The following ZSWIM5 variants were observed in gnomAD, a reference collection of about 807,000 sequenced individuals.
ZSWIM5 encodes the protein zinc finger SWIM domain-containing protein 5.
Under a neutral mutation model 119.6 loss-of-function variants are expected in ZSWIM5, and 55 were observed. The ratio of observed to expected loss-of-function variants is 0.46; its 90% CI spans 0.37 to 0.58. The LOEUF (loss-of-function observed/expected upper bound fraction) is 0.58. Among genes scored for constraint, ZSWIM5 ranks in the 20% least tolerant of loss-of-function variants. The probability of loss-of-function intolerance (pLI) is 0.00; values close to 1 mark genes in which losing one functional copy is unlikely to be tolerated. For synonymous variants in ZSWIM5, 537 were observed against 606.9 expected, an observed-to-expected ratio of 0.88 and a Z score of 1.69; for missense variants, 1,193 against 1,512.8, an observed-to-expected ratio of 0.79 and a Z score of 3.51.
At position 45,035,755 on chromosome 1, in the gene ZSWIM5, A is replaced by G. The variant is rs1388809210; in HGVS notation, c.2224T>C (p.Tyr742His). The change falls in exon 10 of 14, where the codon TAT (tyrosine) becomes CAT (histidine). Residue 742 changes from tyrosine (Y) to histidine (H), a missense_variant. Physicochemically the swap from Tyr to His is moderately conservative, Grantham distance 83. Transcript: ENST00000359600. ...ESVPMHTFAK[Y>H]LFSALLPHDP... Reference sequence around the variant, plus strand: ...TGAGGCAGCAGAGCTGAGAACAAATACTTGGCAAAGGTATGCATGGGAACA... The same window carrying G: ...TGAGGCAGCAGAGCTGAGAACAAATGCTTGGCAAAGGTATGCATGGGAACA... 7 of 1,613,784 alleles carry G rather than the reference A, an allele frequency of 4.3e-6. No individual in the cohort carries two copies. The highest frequency in any genetic ancestry group is 4.2e-6 in the Non-Finnish European group (5 of 1,179,990).
At chr1:45,022,191 C>T (rs548328404) in intron 11 of ZSWIM5, among the ~76,000 whole-genome samples, 426 of 149,676 alleles carry the variant, frequency 2.8e-3, no homozygotes, top group African/African-American at 9.5e-3. Context: ...AGTGCAGTGG[C>T]GCGATCTTGG....
chr1:45,040,084 T>G (rs1301722029), intron 7 of ZSWIM5, among the ~76,000 whole-genome samples: 1 of 152,178 alleles, frequency 6.6e-6, no homozygotes, highest in Non-Finnish European at 1.5e-5. Flanking sequence ...GCAATCCTCC[T>G]ACCTGGGCCT....
intron 11 of ZSWIM5, among the ~76,000 whole-genome samples, chr1:45,033,141 C>T (rs59432881): frequency 0.059 from 8,987 of 152,086 alleles, 306 homozygotes; most frequent in East Asian, 0.12. Context: ...TTGTTTTTTG[C>T]CAATAAGATC....
chr1:45,203,132 G>A (rs181367177), intron 1 of ZSWIM5, among the ~76,000 whole-genome samples: 2 of 152,092 alleles, frequency 1.3e-5, no homozygotes, highest in African/African-American at 4.8e-5. Context: ...TACTTCTGAT[G>A]CAGTACTTAC....
At chr1:45,041,185 T>C (rs1645016089) in intron 6 of ZSWIM5, among the ~76,000 whole-genome samples, 1 of 152,216 alleles carries the variant, frequency 6.6e-6, no homozygotes, top group Admixed American at 6.5e-5. Flanking sequence ...ATTCAATATA[T>C]TAATAGCATC....
intron 5 of ZSWIM5, among the ~76,000 whole-genome samples, chr1:45,044,857 C>T (rs1199755456): frequency 4.6e-5 from 4 of 87,104 alleles, no homozygotes; most frequent in Admixed American, 1.5e-4. Flanking sequence ...ATAGATTAGC[C>T]GGGCATGGTG....
At chr1:45,183,852 C>G (rs913877212) in intron 1 of ZSWIM5, among the ~76,000 whole-genome samples, 2 of 152,194 alleles carry the variant, frequency 1.3e-5, no homozygotes, top group Non-Finnish European at 2.9e-5. Flanking sequence ...CCTTCTGAAA[C>G]TATTCCAATC....
intron 2 of ZSWIM5, among the ~76,000 whole-genome samples, chr1:45,068,384 G>A (rs1331314522): frequency 6.6e-6 from 1 of 151,860 alleles, no homozygotes; most frequent in Non-Finnish European, 1.5e-5. Context: ...GGGATTACAG[G>A]TGTGAGCCAC....
chr1:45,056,758 C>T (rs1040537109), intron 4 of ZSWIM5, among the ~76,000 whole-genome samples: 1 of 152,258 alleles, frequency 6.6e-6, no homozygotes, highest in South Asian at 2.1e-4. Flanking sequence ...AGAGCAAACA[C>T]GTAAGGGTTG....
At position 45,087,164 on chromosome 1, in the gene ZSWIM5, G is replaced by A. The variant is rs375042505; in HGVS notation, c.952+717C>T. 1.0e-3 allele frequency among the ~76,000 whole-genome samples: 159 copies of A among 152,230 alleles called. 3 individuals are homozygous for A. The highest frequency in any genetic ancestry group is 6.8e-3 in the Middle Eastern group (2 of 294). On this transcript the variant is annotated intron_variant, in intron 2 of 13. Coordinates refer to ENST00000359600, the MANE Select transcript of ZSWIM5 (RefSeq NM_020883.2). Reference sequence around the variant, plus strand: ...CTCCCAAAGTGCTGGGATCACAGGCGTGAGCCACTGTGCCTGGCCCCTTCT... The same window carrying A: ...CTCCCAAAGTGCTGGGATCACAGGCATGAGCCACTGTGCCTGGCCCCTTCT...
chr1:45,127,789 A>C (rs190591978), intron 1 of ZSWIM5, among the ~76,000 whole-genome samples: 11 of 152,310 alleles, frequency 7.2e-5, no homozygotes, highest in Admixed American at 3.9e-4. Context: ...ACATGACATA[A>C]GATGAACATA....
At chr1:45,063,311 T>C (rs1446302281) in intron 2 of ZSWIM5, among the ~76,000 whole-genome samples, 10 of 152,218 alleles carry the variant, frequency 6.6e-5, no homozygotes, top group Non-Finnish European at 1.3e-4. Flanking sequence ...TATTCTCCTT[T>C]GGGTATATGC....
Position 45,152,329 on chromosome 1 carries a change from G to A in ZSWIM5, c.595+53427C>T, listed in dbSNP as rs201758667. On this transcript the variant is annotated intron_variant, in intron 1 of 13. Coordinates refer to ENST00000359600, the MANE Select transcript of ZSWIM5 (RefSeq NM_020883.2). ...AAGTGCAATAATCCTGGCAAGAGAC[G>A]ATGGTAGTTTGGCCAAGGTGGTGGT... 2.6e-5 allele frequency among the ~76,000 whole-genome samples: 4 copies of A among 152,332 alleles called. No homozygotes were observed. In the East Asian group the frequency reaches 7.7e-4, roughly 29 times the overall value.
chr1:45,088,477 T>C lies in ZSWIM5; in HGVS notation c.596-240A>G, dbSNP rs762058525. 1.1e-4 allele frequency among the ~76,000 whole-genome samples: 17 copies of C among 152,204 alleles called. No individual in the cohort carries two copies. The highest frequency in any genetic ancestry group is 2.2e-4 in the Non-Finnish European group (15 of 68,028). On this transcript the variant is annotated intron_variant, in intron 1 of 13. Coordinates refer to ENST00000359600, the MANE Select transcript of ZSWIM5 (RefSeq NM_020883.2). The surrounding 1 kb of genome is among the most constrained non-coding windows in gnomAD (Gnocchi z 4.2). Reference sequence around the variant, plus strand: ...TGAACCTCCTGAACTCACACTGATATGAAAACTTTAGTTTGTACGTGTATA... The same window carrying C: ...TGAACCTCCTGAACTCACACTGATACGAAAACTTTAGTTTGTACGTGTATA...
chr1:45,163,732 A>T (rs757856405), intron 1 of ZSWIM5, among the ~76,000 whole-genome samples: 1 of 152,184 alleles, frequency 6.6e-6, no homozygotes, highest in Non-Finnish European at 1.5e-5. Context: ...TCAGTGATGG[A>T]AGATCAAATG....
Position 45,018,532 on chromosome 1 carries a change from G to A in ZSWIM5, c.3480C>T (p.Ala1160=). The A allele has an allele frequency of 6.2e-7, 1 of 1,613,932 alleles. No individual in the cohort carries two copies. The highest frequency in any genetic ancestry group is 8.5e-7 in the Non-Finnish European group (1 of 1,179,954). The change falls in exon 14 of 14, where the codon GCC becomes GCT. Residue 1160 remains alanine, a synonymous_variant. Coordinates refer to ENST00000359600, the MANE Select transcript of ZSWIM5 (RefSeq NM_020883.2). The surrounding 1 kb of genome is among the most constrained non-coding windows in gnomAD (Gnocchi z 6.7). ...LLPQDGHLQF[A]QFIDNLKQIY... ...TCTGTTTGAGGTTGTCGATGAACTG[G>A]GCAAACTGCAGGTGGCCATCCTGGG...
At chr1:45,020,024 A>G in intron 13 of ZSWIM5, 42 bp downstream of exon 13, 2 of 1,565,868 alleles carry the variant, frequency 1.3e-6, no homozygotes, top group Non-Finnish European at 1.8e-6. Context: ...TAGGGCCTAG[A>G]AACTCCTTTC....
At chr1:45,175,909 G>A (rs1157573676) in intron 1 of ZSWIM5, among the ~76,000 whole-genome samples, 1 of 151,746 alleles carries the variant, frequency 6.6e-6, no homozygotes, top group African/African-American at 2.4e-5. Context: ...CCTTTTTGAT[G>A]TGTTGCTATA....
At chr1:45,021,284 C>T (rs78625282) in intron 11 of ZSWIM5, among the ~76,000 whole-genome samples, 91 of 152,248 alleles carry the variant, frequency 6.0e-4, no homozygotes, top group African/African-American at 2.1e-3. Flanking sequence ...TCTACTGCGC[C>T]GGGCAACCCT....
Sources: gnomAD v4.1 joint callset for allele counts (sites outside exome capture counted in the v4.1 genomes callset) on GRCh38, gnomAD v4.1.1 for gene constraint, Gnocchi (gnomAD v3.1) non-coding constraint, MANE v1.5 for transcripts, NCBI Gene and HGNC (gene_info 2026-07-23, HGNC 2026-07-21) for gene names.